The following GPR15LG variants were observed in gnomAD, a reference collection of about 807,000 sequenced individuals.
GPR15LG encodes the protein G protein-coupled receptor 15 ligand, also known as protein GPR15LG.
the GPR15LG span, chr10:84,176,480 G>A: frequency 1.2e-6 from 2 of 1,612,082 alleles, no homozygotes; most frequent in Non-Finnish European, 1.7e-6. Context: ...CCACCCTCAG[G>A]GAAGAGGCGT....
chr10:84,182,403 C>A, the GPR15LG span, among the ~76,000 whole-genome samples: 3 of 152,196 alleles, frequency 2.0e-5, no homozygotes, highest in Non-Finnish European at 4.4e-5. Context: ...TACAGGTCAG[C>A]TGGATATTTC....
the GPR15LG span, among the ~76,000 whole-genome samples, chr10:84,175,538 T>C: frequency 6.6e-6 from 1 of 152,236 alleles, no homozygotes; most frequent in Non-Finnish European, 1.5e-5. Flanking sequence ...AAGATCTTGC[T>C]CTCTTGCCCA....
the GPR15LG span, among the ~76,000 whole-genome samples, chr10:84,177,304 G>C: frequency 6.6e-6 from 1 of 152,240 alleles, no homozygotes; most frequent in Non-Finnish European, 1.5e-5. Context: ...ATATTCACTG[G>C]AGTTGCCCAG....
the GPR15LG span, among the ~76,000 whole-genome samples, chr10:84,174,499 T>C: frequency 6.9e-6 from 1 of 145,140 alleles, no homozygotes; most frequent in East Asian, 2.0e-4. Context: ...TTTTTCTTTT[T>C]TTTTTTTTTT....
chr10:84,178,114 C>T, the GPR15LG span, among the ~76,000 whole-genome samples: 1 of 151,884 alleles, frequency 6.6e-6, no homozygotes, highest in South Asian at 2.1e-4. Flanking sequence ...ACAGCATATA[C>T]ACACAACACA....
chr10:84,184,729 G>T, the GPR15LG span: 1 of 1,613,762 alleles, frequency 6.2e-7, no homozygotes, highest in African/African-American at 1.3e-5. Context: ...CCAGAGCCCC[G>T]CCTTTGGGTG....
chr10:84,179,857 A>T, the GPR15LG span, among the ~76,000 whole-genome samples: 2 of 148,284 alleles, frequency 1.3e-5, no homozygotes, highest in Non-Finnish European at 3.0e-5. Context: ...TATTACATTT[A>T]CCAATTTGCT....
At chr10:84,174,019 C>A in the GPR15LG span, 3 of 941,598 alleles carry the variant, frequency 3.2e-6, no homozygotes, top group Non-Finnish European at 5.2e-6. Flanking sequence ...GGCGGGCAGG[C>A]CTTGGCAGGC....
the GPR15LG span, among the ~76,000 whole-genome samples, chr10:84,178,865 A>G: frequency 6.2e-3 from 939 of 152,274 alleles, 12 homozygotes; most frequent in African/African-American, 0.022. Context: ...CAAAACAAAC[A>G]TATGTATTGG....
chr10:84,181,421 G>T, the GPR15LG span, among the ~76,000 whole-genome samples: 1 of 151,704 alleles, frequency 6.6e-6, no homozygotes, highest in African/African-American at 2.4e-5. Flanking sequence ...ATAGCAGCAA[G>T]TCTTTTTGTT....
chr10:84,178,620 C>A, the GPR15LG span, among the ~76,000 whole-genome samples: 1 of 151,978 alleles, frequency 6.6e-6, no homozygotes, highest in African/African-American at 2.4e-5. Flanking sequence ...CTACACACAG[C>A]ACACACACAC....
At chr10:84,177,097 G>A in the GPR15LG span, among the ~76,000 whole-genome samples, 1 of 152,244 alleles carries the variant, frequency 6.6e-6, no homozygotes, top group African/African-American at 2.4e-5. Context: ...GAGAGCCATA[G>A]CTTGGCAGGA....
the GPR15LG span, among the ~76,000 whole-genome samples, chr10:84,183,672 G>T: frequency 3.7e-3 from 566 of 151,092 alleles, 3 homozygotes; most frequent in Middle Eastern, 6.8e-3. Flanking sequence ...TTTGAGACAA[G>T]GTTTCACTTT....
chr10:84,181,007 G>A, the GPR15LG span, among the ~76,000 whole-genome samples: 1 of 152,166 alleles, frequency 6.6e-6, no homozygotes, highest in South Asian at 2.1e-4. Flanking sequence ...AATCAGGCAG[G>A]GAGGTTGCAG....
At chr10:84,184,722 G>C in the GPR15LG span, 1 of 1,613,776 alleles carries the variant, frequency 6.2e-7, no homozygotes, top group Non-Finnish European at 8.5e-7. Flanking sequence ...GCTTGAGCCA[G>C]AGCCCCGCCT....
chr10:84,178,218 C>A, the GPR15LG span, among the ~76,000 whole-genome samples: 1 of 151,828 alleles, frequency 6.6e-6, no homozygotes, highest in African/African-American at 2.4e-5. Context: ...ACTCTACACA[C>A]ACACACCACG....
At chr10:84,176,415 A>G in the GPR15LG span, 3 of 1,158,422 alleles carry the variant, frequency 2.6e-6, no homozygotes, top group East Asian at 7.0e-5. Flanking sequence ...GTGCCTTGGA[A>G]GGGGAAGCTC....
At chr10:84,181,999 G>A in the GPR15LG span, among the ~76,000 whole-genome samples, 1 of 152,192 alleles carries the variant, frequency 6.6e-6, no homozygotes, top group East Asian at 1.9e-4. Context: ...GGTCCTGAGA[G>A]CTCCTTGCCC....
the GPR15LG span, chr10:84,184,557 AT>A: frequency 3.0e-5 from 28 of 924,632 alleles, no homozygotes; most frequent in East Asian, 9.8e-5. Context: ...TTGCTTTGAA[AT>A]TTTTTTTTAA....
Sources: allele counts gnomAD v4.1 joint callset (sites outside exome capture counted in the v4.1 genomes callset), GRCh38; gene constraint gnomAD v4.1.1; transcripts MANE v1.5; gene names NCBI Gene and HGNC (gene_info 2026-07-23, HGNC 2026-07-21).